Variants in NOA1 observed in about 807,000 individuals in gnomAD.
The protein encoded by NOA1 is nitric oxide-associated protein 1.
Under a neutral mutation model 58.4 loss-of-function variants are expected in NOA1, and 35 were observed. The ratio of observed to expected loss-of-function variants is 0.60; its 90% CI spans 0.46 to 0.79. The LOEUF is 0.79. NOA1 is among the 30% of genes least tolerant of loss of function. NOA1 has a pLI of 0.00. For missense variants in NOA1, 895 were observed against 894.6 expected, an observed-to-expected ratio of 1.00 and a Z score of -0.01; for synonymous variants, 397 against 373.4, an observed-to-expected ratio of 1.06 and a Z score of -0.73.
At chr4:56,968,357 T>C (rs201571915) in intron 4 of NOA1, 27 bp downstream of exon 4, 637 of 1,595,064 alleles carry the variant, frequency 4.0e-4, no homozygotes, top group Non-Finnish European at 5.2e-4. Flanking sequence ...TTTAAAATCA[T>C]TTTTTAATAG....
intron 3 of NOA1, among the ~76,000 whole-genome samples, chr4:56,971,523 G>A (rs1026282576): frequency 6.6e-6 from 1 of 152,098 alleles, no homozygotes; most frequent in South Asian, 2.1e-4. Context: ...ATACAATTCT[G>A]AGAATGTAAC....
chr4:56,974,601 G>A (rs1336085507), intron 1 of NOA1, among the ~76,000 whole-genome samples: 2 of 150,912 alleles, frequency 1.3e-5, no homozygotes, highest in African/African-American at 2.4e-5. Flanking sequence ...GCCGTGAGGC[G>A]AGATCGCACC....
Position 56,968,454 on chromosome 4 carries a change from G to A in NOA1, c.1577C>T (p.Pro526Leu). The A allele has an allele frequency of 6.2e-7, 1 of 1,612,496 alleles. No homozygotes were observed. Among genetic ancestry groups the A allele is most frequent in the Non-Finnish European group, 8.5e-7 (1 of 1,179,330 alleles). ...NIVLPTQSIVPRTFVLKPGMV... is the reference protein window; with the variant it reads ...NIVLPTQSIVLRTFVLKPGMV... ...TCCTGGTTTAAGCACAAAAGTTCTT[G>A]GAACAATGGACTGTGTTGGCAAAAC... The change falls in exon 4 of 7, where the codon CCA becomes CTA. Residue 526 changes from proline to leucine, a missense_variant. By Grantham distance (98) the Pro-to-Leu change is moderately conservative. This residue lies in a region of NOA1 where 212 missense variants were observed against 221.3 expected (regional missense o/e 0.96). Coordinates refer to ENST00000264230, the MANE Select transcript of NOA1 (RefSeq NM_032313.4).
chr4:56,973,777 C>T, intron 2 of NOA1, 81 bp downstream of exon 2: 1 of 1,421,346 alleles, frequency 7.0e-7, no homozygotes. Context: ...ACTGGCTAGC[C>T]TCGGACAGCT....
Position 56,968,436 on chromosome 4 carries a change from T to G in NOA1, c.1595A>C (p.Lys532Thr). The G allele has an allele frequency of 6.2e-7, 1 of 1,613,356 alleles. No individual in the cohort carries two copies. Among genetic ancestry groups the G allele is most frequent in the Non-Finnish European group, 8.5e-7 (1 of 1,179,856 alleles). ...QSIVPRTFVLKPGMVLFLGAI... is the reference protein window; with the variant it reads ...QSIVPRTFVLTPGMVLFLGAI... ...ACCCAAAAACAGAACCATTCCTGGTTTAAGCACAAAAGTTCTTGGAACAAT... is the reference window on the plus strand; with the variant it reads ...ACCCAAAAACAGAACCATTCCTGGTGTAAGCACAAAAGTTCTTGGAACAAT... Residue 532 changes from lysine to threonine, a missense_variant, in exon 4 of 7, where the codon AAA becomes ACA. By Grantham distance (78) the Lys-to-Thr change is moderately conservative (BLOSUM62 -1). Transcript: ENST00000264230.
intron 3 of NOA1, among the ~76,000 whole-genome samples, chr4:56,971,212 C>G (rs1721805550): frequency 6.7e-6 from 1 of 148,704 alleles, no homozygotes. Context: ...ACTCGAGAGG[C>G]TGAGGCAGGA....
intron 3 of NOA1, among the ~76,000 whole-genome samples, chr4:56,969,928 G>A (rs1486059334): frequency 6.8e-6 from 1 of 147,776 alleles, no homozygotes; most frequent in Non-Finnish European, 1.5e-5. Flanking sequence ...TTACAGACGT[G>A]CGCCACCATG....
Position 56,971,890 on chromosome 4 carries a change from C to CT in NOA1, c.1515+1257dup, listed in dbSNP as rs71657244. Among the ~76,000 whole-genome samples the CT allele has an allele frequency of 3.2e-3, 450 of 140,576 alleles. 1 individual carries two copies. The highest frequency in any genetic ancestry group is 7.3e-3 in the South Asian group (32 of 4,376). The allele number at this position is 140,576 out of a possible 152,430, so 92.2% of individuals were successfully genotyped here. A position where few individuals can be genotyped will look rare whatever the true frequency, so the allele number is the denominator to read the frequency against. On this transcript the variant is annotated intron_variant, in intron 3 of 6. Transcript: ENST00000264230. ...CAAGACAGGTGGAGTTAATGCTATT[C>CT]TTTTTTTTTTTTTTTTGAGACAGAG... is the stretch of plus-strand genomic sequence containing the variant.
intron 1 of NOA1, among the ~76,000 whole-genome samples, chr4:56,974,651 CAA>C (rs5858406): frequency 0.54 from 77,516 of 144,028 alleles, 20,453 homozygotes; most frequent in South Asian, 0.66. Context: ...GCCTCTGTCT[CAA>C]AAAAAAAAAA....
chr4:56,968,568 A>G lies in NOA1; in HGVS notation c.1516-53T>C. 3 of 1,385,040 alleles carry G rather than the reference A, an allele frequency of 2.2e-6. No individual in the cohort carries two copies. The South Asian group carries it at 3.9e-5, about 18-fold the overall frequency. 85.8% of individuals were successfully genotyped at this position (1,385,040 alleles called of 1,614,324 possible). ...AAAATACTTTTATTGAAAATATGAT[A>G]TATTATGATTTACCCGTAAAATAAA... On this transcript the variant is annotated intron_variant, in intron 3 of 6. Transcript: ENST00000264230.
chr4:56,968,531 C>A lies in NOA1; in HGVS notation c.1516-16G>T, dbSNP rs756608716. On this transcript the variant is annotated splice_polypyrimidine_tract_variant and intron_variant, in intron 3 of 6. Coordinates refer to ENST00000264230, the MANE Select transcript of NOA1 (RefSeq NM_032313.4). ...GATTTAAAATCTGTGAAGCAAATGG[C>A]AGATTTTTAAGAAAATACTTTTATT... 15 of 1,538,168 alleles carry A rather than the reference C, an allele frequency of 9.8e-6. No individual in the cohort carries two copies. In the Admixed American group the frequency reaches 3.0e-4, roughly 31 times the overall value.
rs753384269 is a variant in NOA1, at chr4:56,976,819, T to A, written c.767A>T (p.Asp256Val). ...CAGCCTCTGCCGGTAGCCAGGAGCA[T>A]CCTGGGGCAGGAGGTCCACTTTGTT... ...LGNKVDLLPQ[D>V]APGYRQRLRE... is the part of the protein sequence containing the mutation. Residue 256 changes from aspartate (D) to valine (V), a missense_variant, in exon 1 of 7, where the codon GAT becomes GTT. This residue lies in a region of NOA1 where 680 missense variants were observed against 656.5 expected (regional missense o/e 1.04). Transcript: ENST00000264230. 5 of 1,612,274 alleles carry A rather than the reference T, an allele frequency of 3.1e-6. No homozygotes were observed. The South Asian group carries it at 3.3e-5, about 11-fold the overall frequency.
chr4:56,964,611 TG>T, intron 5 of NOA1, 85 bp from the exon 6 acceptor site: 1 of 1,382,672 alleles, frequency 7.2e-7, no homozygotes, highest in Non-Finnish European at 1.0e-6. Context: ...AAGATAATTC[TG>T]TACAGGGATC....
chr4:56,977,469 G>A lies in NOA1; in HGVS notation c.117C>T (p.Ala39=), dbSNP rs760735869. ...EPLLERRCAA[A]SSFQHSSSLG... is the part of the protein sequence containing the mutation. ...GACTCGATGAGTGCTGGAAGGAGGA[G>A]GCGGCAGCGCACCTCCTCTCCAGGA... Residue 39 remains alanine, a synonymous_variant, in exon 1 of 7, where the codon GCC becomes GCT. Transcript: ENST00000264230. 2 of 1,614,024 alleles carry A rather than the reference G, an allele frequency of 1.2e-6. No individual in the cohort carries two copies. The highest frequency in any genetic ancestry group is 4.5e-5 in the East Asian group (2 of 44,882).
At chr4:56,973,094 C>G (rs761230751) in intron 3 of NOA1, 54 bp downstream of exon 3, 266 of 1,504,164 alleles carry the variant, frequency 1.8e-4, no homozygotes, top group Non-Finnish European at 2.3e-4. Context: ...GCAATATAAA[C>G]CCATTAAAAA....
chr4:56,973,339 T>C lies in NOA1; in HGVS notation c.1324A>G (p.Thr442Ala). Reference sequence around the variant, plus strand: ...TTCTGTTCTTCTGAATACAAGAATGTCCTTCCAACTCTTCCTAGAACAAGT... The same window carrying C: ...TTCTGTTCTTCTGAATACAAGAATGCCCTTCCAACTCTTCCTAGAACAAGT... ...HGYVVGRVGRTFLYSEEQKDN... is the reference protein window; with the variant it reads ...HGYVVGRVGRAFLYSEEQKDN... Residue 442 changes from threonine to alanine, a missense_variant, in exon 3 of 7, where the codon ACA becomes GCA. By Grantham distance (58) the Thr-to-Ala change is moderately conservative. This residue lies in a region of NOA1 where 680 missense variants were observed against 656.5 expected (regional missense o/e 1.04). Coordinates refer to ENST00000264230, the MANE Select transcript of NOA1 (RefSeq NM_032313.4). The C allele has an allele frequency of 6.2e-7, 1 of 1,613,850 alleles. No individual in the cohort carries two copies. Among genetic ancestry groups the C allele is most frequent in the Non-Finnish European group, 8.5e-7 (1 of 1,179,740 alleles).
chr4:56,965,663 G>A (rs917136998), intron 5 of NOA1, among the ~76,000 whole-genome samples: 8 of 149,904 alleles, frequency 5.3e-5, no homozygotes, highest in Admixed American at 2.7e-4. Context: ...TGATGAGTTC[G>A]GGGAACTATA....
chr4:56,974,077 T>TTC, intron 1 of NOA1, 55 bp from the exon 2 acceptor site: 2 of 1,088,774 alleles, frequency 1.8e-6, no homozygotes, highest in South Asian at 2.2e-5. Flanking sequence ...GGGAAGAAAA[T>TTC]GAACATTTTT....
At position 56,977,517 on chromosome 4, in the gene NOA1, C is replaced by T. The variant is rs1478892777; in HGVS notation, c.69G>A (p.Ala23=). 2.5e-6 allele frequency: 4 copies of T among 1,613,168 alleles called. No homozygotes were observed. Among genetic ancestry groups the T allele is most frequent in the Non-Finnish European group, 3.4e-6 (4 of 1,179,786 alleles). Residue 23 remains alanine, a synonymous_variant, in exon 1 of 7, where the codon GCG becomes GCA. Transcript: ENST00000264230. The part of the protein sequence containing the change: ...LFLRGSAPTA[A]RHGLREPLLE... ...GGAGCGGCTCCCGGAGGCCATGGCG[C>T]GCTGCCGTGGGAGCGGATCCACGAA...
Sources: gnomAD v4.1 joint callset for allele counts (sites outside exome capture counted in the v4.1 genomes callset) on GRCh38, gnomAD v4.1.1 for gene constraint, gnomAD v4.1.1 regional missense constraint, MANE v1.5 for transcripts, NCBI Gene and HGNC (gene_info 2026-07-23, HGNC 2026-07-21) for gene names.